TRIP12: variants seen among roughly 807,000 people sequenced by gnomAD.
TRIP12 encodes the protein thyroid hormone receptor interactor 12.
A neutral mutation model predicts 244.2 loss-of-function variants in TRIP12; 25 were observed. The ratio of observed to expected loss-of-function variants is 0.10; its 90% CI spans 0.07 to 0.14. The LOEUF is 0.14. TRIP12 is among the 10% of genes least tolerant of loss of function. The probability of loss-of-function intolerance (pLI) is 1.00; values close to 1 mark genes in which losing one functional copy is unlikely to be tolerated. For missense variants in TRIP12, 1,677 were observed against 2,486.4 expected (o/e 0.67, Z 6.92); for synonymous variants, 905 against 873.1 (o/e 1.04, Z -0.64).
intron 32 of TRIP12, 45 bp downstream of exon 32, chr2:229,788,753 C>A: frequency 1.3e-6 from 2 of 1,597,090 alleles, no homozygotes; most frequent in Non-Finnish European, 1.7e-6. Flanking sequence ...CAAGACCAAC[C>A]CAGTAACATT....
chr2:229,878,035 G>A (rs997519519), intron 2 of TRIP12, among the ~76,000 whole-genome samples: 1 of 152,152 alleles, frequency 6.6e-6, no homozygotes, highest in Non-Finnish European at 1.5e-5. Context: ...AGCTTAACAT[G>A]CTAAAATACT....
chr2:229,797,894 T>A, intron 23 of TRIP12, 63 bp from the exon 24 acceptor site: 2 of 1,506,900 alleles, frequency 1.3e-6, no homozygotes, highest in South Asian at 2.5e-5. Context: ...TAACTTCTGA[T>A]CAAGGCAAAT....
At chr2:229,857,628 A>G (rs1022961684) in intron 4 of TRIP12, among the ~76,000 whole-genome samples, 1 of 145,868 alleles carries the variant, frequency 6.9e-6, no homozygotes, top group Non-Finnish European at 1.5e-5. Context: ...ACAGAGTGAG[A>G]CTCTGTCTCA....
chr2:229,875,992 G>T (rs1442327126), intron 2 of TRIP12, among the ~76,000 whole-genome samples: 1 of 152,146 alleles, frequency 6.6e-6, no homozygotes, highest in African/African-American at 2.4e-5. Context: ...AGTCAATCTG[G>T]GTCAGGTGCA....
chr2:229,838,546 A>G (rs1200243038), intron 5 of TRIP12, among the ~76,000 whole-genome samples: 3 of 152,202 alleles, frequency 2.0e-5, no homozygotes, highest in Non-Finnish European at 4.4e-5. Context: ...CGTTGAGTAG[A>G]AGGAGAGACG....
intron 34 of TRIP12, among the ~76,000 whole-genome samples, chr2:229,780,557 C>T (rs1381180192): frequency 6.6e-6 from 1 of 152,150 alleles, no homozygotes; most frequent in Non-Finnish European, 1.5e-5. Context: ...CTCTGCCCAC[C>T]CTGCTCAGTC....
Position 229,811,046 on chromosome 2 carries a change from C to A in TRIP12, c.2056-1G>T. 2 of 1,613,780 alleles carry A rather than the reference C, an allele frequency of 1.2e-6. No individual in the cohort carries two copies. Among genetic ancestry groups the A allele is most frequent in the Non-Finnish European group, 1.7e-6 (2 of 1,179,912 alleles). ...TGGAAGCAACCTGCTGGAGTAAATT[C>A]TTCACAAACACAAGAATAAAGGAAT... On this transcript the variant is annotated splice_acceptor_variant, in intron 14 of 41. Coordinates refer to ENST00000675903, the MANE Select transcript of TRIP12 (RefSeq NM_001348323.3). LOFTEE classifies it high-confidence loss of function.
At position 229,840,914 on chromosome 2, in the gene TRIP12, A is replaced by G. The variant is rs376991925; in HGVS notation, c.1041T>C (p.Ser347=). 1.0e-5 allele frequency: 16 copies of G among 1,602,856 alleles called. No individual in the cohort carries two copies. Among genetic ancestry groups the G allele is most frequent in the Non-Finnish European group, 1.4e-5 (16 of 1,177,024 alleles). ...GTGGAGACTCACTGCGTTTCTTCGT[A>G]GATTTTCTTAAACCTATCCACAGAA... ...LQAKLASLRK[S]TKKRSESPPA... is the part of the protein sequence containing the mutation. The change falls in exon 5 of 42, where the codon TCT becomes TCC. Residue 347 remains serine (S), a synonymous_variant. Transcript: ENST00000675903.
chr2:229,793,144 A>C lies in TRIP12; in HGVS notation c.3970T>G (p.Phe1324Val). The change falls in exon 27 of 42, where the codon TTT becomes GTT. Residue 1324 changes from phenylalanine to valine, a missense_variant and splice_region_variant. Phe to Val is a conservative substitution (Grantham distance 50, BLOSUM62 -1). Transcript: ENST00000675903. ...GCCTGTGATCCTCTGTTGAGAGAAA[A>C]GCTCAAGATAATTTGTGAAAAAAAA... ...FPSGNGTGGS[F>V]SLNRGSQALK... 1 of 1,605,282 alleles carries C rather than the reference A, an allele frequency of 6.2e-7. No individual in the cohort carries two copies. Among genetic ancestry groups the C allele is most frequent in the Non-Finnish European group, 8.5e-7 (1 of 1,177,026 alleles).
intron 1 of TRIP12, among the ~76,000 whole-genome samples, chr2:229,917,204 C>A (rs922111336): frequency 2.0e-5 from 3 of 151,710 alleles, no homozygotes; most frequent in Non-Finnish European, 4.4e-5. Context: ...CAAGGTGAAA[C>A]CCCATCTCTA....
chr2:229,915,668 C>T (rs1479513976), intron 1 of TRIP12, among the ~76,000 whole-genome samples: 1 of 149,878 alleles, frequency 6.7e-6, no homozygotes, highest in Admixed American at 6.7e-5. Context: ...AATTCATAAT[C>T]AACTAAGGAA....
At chr2:229,803,438 G>C in intron 20 of TRIP12, 133 bp downstream of exon 20, 1 of 604,956 alleles carries the variant, frequency 1.7e-6, no homozygotes, top group Non-Finnish European at 2.8e-6. Context: ...TACGTACACA[G>C]AGCTATAAGC....
chr2:229,797,999 C>T (rs866187072), intron 23 of TRIP12, among the ~76,000 whole-genome samples, 168 bp from the exon 24 acceptor site: 6 of 152,174 alleles, frequency 3.9e-5, no homozygotes, highest in African/African-American at 1.2e-4. Context: ...AAATGGGCTA[C>T]GATGTACCAC....
chr2:229,878,569 G>A (rs1171661151), intron 2 of TRIP12, among the ~76,000 whole-genome samples: 1 of 150,918 alleles, frequency 6.6e-6, no homozygotes, highest in African/African-American at 2.4e-5. Flanking sequence ...CTTTACATTT[G>A]ACATTAAAAA....
chr2:229,812,335 C>A (rs886234964), intron 13 of TRIP12, among the ~76,000 whole-genome samples: 12 of 152,194 alleles, frequency 7.9e-5, no homozygotes, highest in African/African-American at 2.9e-4. Flanking sequence ...CCTGCCTTGG[C>A]CTCCCAAAGT....
rs1295906709 is a variant in TRIP12 at position 229,792,238 on chromosome 2, A to G, written c.4142-12T>C. On this transcript the variant is annotated splice_polypyrimidine_tract_variant and intron_variant, in intron 27 of 41. Coordinates refer to ENST00000675903, the MANE Select transcript of TRIP12 (RefSeq NM_001348323.3). Reference sequence around the variant, plus strand: ...TACTCTTCCATACCCTGAAGACCCAAGTAGACTTTTAAACTCTTAGCGATT... The same window carrying G: ...TACTCTTCCATACCCTGAAGACCCAGGTAGACTTTTAAACTCTTAGCGATT... 6.2e-7 allele frequency: 1 copy of G among 1,613,090 alleles called. No individual in the cohort carries two copies. Among genetic ancestry groups the G allele is most frequent in the South Asian group, 1.1e-5 (1 of 90,856 alleles).
At chr2:229,843,239 G>T (rs528235382) in intron 4 of TRIP12, among the ~76,000 whole-genome samples, 2 of 152,084 alleles carry the variant, frequency 1.3e-5, no homozygotes, top group Non-Finnish European at 1.5e-5. Flanking sequence ...TTTGTGTCAT[G>T]AAGTTAGGTA....
intron 30 of TRIP12, among the ~76,000 whole-genome samples, chr2:229,790,550 G>A (rs1030552364): frequency 3.3e-5 from 5 of 149,660 alleles, no homozygotes; most frequent in Non-Finnish European, 7.5e-5. Flanking sequence ...AGGGGGGGGT[G>A]TCCTCCATGG....
chr2:229,767,882 A>G, intron 41 of TRIP12, 132 bp from the exon 42 acceptor site: 1 of 875,442 alleles, frequency 1.1e-6, no homozygotes, highest in East Asian at 2.7e-5. Flanking sequence ...TGCACATTCA[A>G]TATACATTAA....
Sources: gnomAD v4.1 joint callset for allele counts (sites outside exome capture counted in the v4.1 genomes callset) on GRCh38, gnomAD v4.1.1 for gene constraint, MANE v1.5 for transcripts, NCBI Gene and HGNC (gene_info 2026-07-23, HGNC 2026-07-21) for gene names.